The following ZNF497 variants were observed in gnomAD, a reference collection of about 807,000 sequenced individuals.
The protein encoded by ZNF497 is zinc finger protein 497, also known as zinc finger-like protein.
For synonymous variants in ZNF497, 422 were observed against 313.7 expected (o/e 1.35, Z -3.65); for missense variants, 930 against 714.0 (o/e 1.30, Z -3.45).
In ZNF497 at chr19:58,356,209, C is replaced by T. The variant is rs375145117; in HGVS notation, c.1427G>A (p.Gly476Glu). The T allele has an allele frequency of 5.6e-6, 9 of 1,601,354 alleles. No homozygotes were observed. The highest frequency in any genetic ancestry group is 3.4e-4 in the Middle Eastern group (2 of 5,938). Residue 476 changes from glycine to glutamate, a missense_variant, in exon 3 of 3, where the codon GGG becomes GAG. By Grantham distance (98) the Gly-to-Glu change is moderately conservative. Coordinates refer to ENST00000311044, the MANE Select transcript of ZNF497 (RefSeq NM_198458.3). ...GERPYACGEC[G>E]KPFSHRCNLN... is the part of the protein sequence containing the mutation. ...GTTGCAACGGTGGCTGAAAGGCTTC[C>T]CGCACTCGCCGCAAGCGTAGGGCCT...
intron 1 of ZNF497, among the ~76,000 whole-genome samples, chr19:58,360,267 A>G (rs1424099071): frequency 6.6e-6 from 1 of 152,230 alleles, no homozygotes; most frequent in Non-Finnish European, 1.5e-5. Flanking sequence ...CCACTGAATT[A>G]CACACTTTAA....
Position 58,356,884 on chromosome 19 carries a change from C to T in ZNF497, c.752G>A (p.Cys251Tyr). The change falls in exon 3 of 3, where the codon TGT becomes TAT. Residue 251 changes from cysteine to tyrosine, a missense_variant. Transcript: ENST00000311044. ...GGAGCTCTGGCTGAAGGCCTTGCCA[C>T]AGTCCCGGCAGGCGTGCGGCCGCGC... ...TGARPHACRD[C>Y]GKAFSQSSNL... The T allele has an allele frequency of 6.3e-7, 1 of 1,594,168 alleles. No individual in the cohort carries two copies. Among genetic ancestry groups the T allele is most frequent in the Non-Finnish European group, 8.5e-7 (1 of 1,174,850 alleles).
In ZNF497 at chr19:58,356,390, AG is replaced by A. The variant is rs2052019950; in HGVS notation, c.1245del (p.Cys416AlafsTer43). 6.4e-7 allele frequency: 1 copy of A among 1,567,388 alleles called. No homozygotes were observed. The highest frequency in any genetic ancestry group is 8.6e-7 in the Non-Finnish European group (1 of 1,161,096). ...RLSHTGERPF[A>X]CAECGKAFRG... ...CGGAAGGCCTTGCCGCATTCTGCGC[AG>A]GCGAAGGGTCGCTCTCCCGTGTGCG... is the stretch of plus-strand genomic sequence containing the variant. On this transcript the variant is annotated frameshift_variant, in exon 3 of 3. Coordinates refer to ENST00000311044, the MANE Select transcript of ZNF497 (RefSeq NM_198458.3).
chr19:58,358,070 T>C (rs1420038664), intron 2 of ZNF497: 1 of 1,221,480 alleles, frequency 8.2e-7, no homozygotes, highest in East Asian at 5.7e-5. Context: ...TCTCCATTCC[T>C]GAAGGCTGGA....
rs1243130238 is a variant in ZNF497 at position 58,356,527 on chromosome 19, C to T, written c.1109G>A (p.Arg370His). 2.6e-6 allele frequency: 4 copies of T among 1,549,158 alleles called. No individual in the cohort carries two copies. Among genetic ancestry groups the T allele is most frequent in the African/African-American group, 1.4e-5 (1 of 72,996 alleles). ...GCGCCGGTGGCTCAGTAGGTTGGAG[C>T]GCTGGCTGAAGGCCTTGCCGCACTG... The part of the protein sequence containing the change: ...CAQCGKAFSQ[R>H]SNLLSHRRTH... The change falls in exon 3 of 3, where the codon CGC (arginine) becomes CAC (histidine). Residue 370 changes from arginine to histidine, a missense_variant. Transcript: ENST00000311044.
Position 58,356,074 on chromosome 19 carries a change from C to T in ZNF497, c.*65G>A. ...CGAAAAAGTCTGGGCCAGCAGACAG[C>T]GCACTCACGCCCGAGACCCCGCAAT... On this transcript the variant is annotated 3_prime_UTR_variant, in exon 3 of 3. Transcript: ENST00000311044. 5 of 1,451,438 alleles carry T rather than the reference C, an allele frequency of 3.4e-6. No individual in the cohort carries two copies. Among genetic ancestry groups the T allele is most frequent in the Non-Finnish European group, 4.5e-6 (5 of 1,104,870 alleles). The allele number at this position is 1,451,438 out of a possible 1,614,324, so 89.9% of individuals were successfully genotyped here.
At position 58,355,068 on chromosome 19, in the gene ZNF497, G is replaced by A. The variant is rs3830; in HGVS notation, c.*1071C>T. On this transcript the variant is annotated 3_prime_UTR_variant, in exon 3 of 3. Transcript: ENST00000311044. ...GGTAGCAGCTTCCTGCAAGTATCCA[G>A]CTCTGAGATTCTGCAACATCCACTT... 0.48 allele frequency: 73,295 copies of A among 152,228 alleles called. 18,522 individuals carry two copies. The highest frequency in any genetic ancestry group is 0.73 in the East Asian group (3,767 of 5,186). 9.4% of individuals were successfully genotyped at this position (152,228 alleles called of 1,614,324 possible).
At chr19:58,359,299 A>AGGCTGGAGCTACC in intron 1 of ZNF497, 1 of 1,277,540 alleles carries the variant, frequency 7.8e-7, no homozygotes, top group Non-Finnish European at 1.0e-6. Flanking sequence ...GTGCAGCTGC[A>AGGCTGGAGCTACC]TGGCCCAGGG....
intron 1 of ZNF497, among the ~76,000 whole-genome samples, chr19:58,361,003 C>G (rs1214605977): frequency 1.3e-5 from 2 of 151,776 alleles, no homozygotes; most frequent in African/African-American, 4.8e-5. Context: ...AGGATGGTCT[C>G]GATCTCCTGA....
chr19:58,358,620 G>A, intron 1 of ZNF497, 35 bp from the exon 2 acceptor site: 1 of 1,102,934 alleles, frequency 9.1e-7, no homozygotes, highest in Admixed American at 3.3e-5. Flanking sequence ...AGGGTGAGGT[G>A]TTCAGCCTAG....
Position 58,357,584 on chromosome 19 carries a change from C to T in ZNF497, c.52G>A (p.Val18Ile), listed in dbSNP as rs1468036228. 1.3e-6 allele frequency: 2 copies of T among 1,579,816 alleles called. No homozygotes were observed. Among genetic ancestry groups the T allele is most frequent in the South Asian group, 2.3e-5 (2 of 86,778 alleles). The change falls in exon 3 of 3, where the codon GTC becomes ATC. Residue 18 changes from valine to isoleucine, a missense_variant. Physicochemically the swap from Val to Ile is conservative, Grantham distance 29. Coordinates refer to ENST00000311044, the MANE Select transcript of ZNF497 (RefSeq NM_198458.3). Reference protein sequence around the residue: ...TLQVAPEEGQVLCNVKTATRG... With the variant: ...TLQVAPEEGQILCNVKTATRG... ...GTGGCAGTCTTCACATTGCAGAGGA[C>T]CTGGCCTTCCTCTGGGGCCACCTGC...
intron 1 of ZNF497, among the ~76,000 whole-genome samples, chr19:58,359,984 A>C (rs1328568447): frequency 6.6e-6 from 1 of 152,072 alleles, no homozygotes. Context: ...AAAAAAAAAA[A>C]AGAGAATAAA....
At position 58,356,899 on chromosome 19, in the gene ZNF497, T is replaced by G. The variant is rs751221799; in HGVS notation, c.737A>C (p.His246Pro). The G allele has an allele frequency of 1.3e-6, 2 of 1,588,954 alleles. No homozygotes were observed. Among genetic ancestry groups the G allele is most frequent in the Admixed American group, 3.5e-5 (2 of 57,412 alleles). Residue 246 changes from histidine to proline, a missense_variant, in exon 3 of 3, where the codon CAC becomes CCC. His to Pro is a moderately conservative substitution (Grantham distance 77, BLOSUM62 -2). Transcript: ENST00000311044. ...GGCCTTGCCACAGTCCCGGCAGGCGTGCGGCCGCGCGCCCGTGTGCACGCG... is the reference window on the plus strand; with the variant it reads ...GGCCTTGCCACAGTCCCGGCAGGCGGGCGGCCGCGCGCCCGTGTGCACGCG... ...HRRVHTGARP[H>P]ACRDCGKAFS... is the part of the protein sequence containing the mutation.
At position 58,358,856 on chromosome 19, in the gene ZNF497, C is replaced by G. The variant is rs977306825; in HGVS notation, c.-111-271G>C. The stretch of plus-strand genomic sequence containing the variant: ...GCCCCAGTGCTGGCTCAGCTGGGGT[C>G]GTGAGCAGGGGAAGCACACCCAGCC... On this transcript the variant is annotated intron_variant, in intron 1 of 2. Transcript: ENST00000311044. 30 of 456,978 alleles carry G rather than the reference C, an allele frequency of 6.6e-5. No individual in the cohort carries two copies. The East Asian group carries it at 1.9e-3, about 29-fold the overall frequency. 28.3% of individuals were successfully genotyped at this position (456,978 alleles called of 1,614,324 possible).
chr19:58,356,644 T>A lies in ZNF497; in HGVS notation c.992A>T (p.Glu331Val). 2 of 1,532,542 alleles carry A rather than the reference T, an allele frequency of 1.3e-6. No homozygotes were observed. The highest frequency in any genetic ancestry group is 2.4e-5 in the South Asian group (2 of 83,480). 94.9% of individuals were successfully genotyped at this position (1,532,542 alleles called of 1,614,324 possible). Residue 331 changes from glutamate to valine, a missense_variant, in exon 3 of 3, where the codon GAG (glutamate) becomes GTG (valine). Transcript: ENST00000311044. ...QRTHTGERPF[E>V]CAECGQAFVM... ...GAAAGCCTGGCCGCACTCGGCGCAC[T>A]CGAAGGGCCGCTCACCAGTGTGCGT... is the stretch of plus-strand genomic sequence containing the variant.
Position 58,356,625 on chromosome 19 carries a change from C to T in ZNF497, c.1011G>A (p.Gln337=), listed in dbSNP as rs532037811. Residue 337 remains glutamine (Q), a synonymous_variant, in exon 3 of 3, where the codon CAG becomes CAA. Coordinates refer to ENST00000311044, the MANE Select transcript of ZNF497 (RefSeq NM_198458.3). Reference sequence around the variant, plus strand: ...CCAGGTAGGAGCCCATGACGAAAGCCTGGCCGCACTCGGCGCACTCGAAGG... The same window carrying T: ...CCAGGTAGGAGCCCATGACGAAAGCTTGGCCGCACTCGGCGCACTCGAAGG... ...ERPFECAECG[Q]AFVMGSYLAE... 2.6e-6 allele frequency: 4 copies of T among 1,546,596 alleles called. No homozygotes were observed. In the African/African-American group the frequency reaches 4.1e-5, roughly 16 times the overall value.
Position 58,357,276 on chromosome 19 carries a change from G to GT in ZNF497, c.359dup (p.Tyr120Ter), listed in dbSNP as rs768058212. 1.9e-6 allele frequency: 3 copies of GT among 1,612,382 alleles called. No homozygotes were observed. ...TGTGCACGCGCCGATGCTGCAGCAA[G>GT]TAAGAGCCCTGGCTGAACGCCTTGC... Reference protein sequence around the residue: ...ECGKAFSQGSYLLQHRRVHTG... With the variant: ...ECGKAFSQGS Residue 120 changes from tyrosine (Y) to a stop codon, truncating the protein, a stop_gained and frameshift_variant, in exon 3 of 3, where the codon TAC becomes TAAC. Transcript: ENST00000311044.
In ZNF497 at chr19:58,362,328, A is replaced by G. The variant is rs145521824; in HGVS notation, c.-112+349T>C. 4.8e-3 allele frequency among the ~76,000 whole-genome samples: 732 copies of G among 152,374 alleles called. 7 individuals are homozygous for G. The highest frequency in any genetic ancestry group is 0.016 in the African/African-American group (662 of 41,590). Reference sequence around the variant, plus strand: ...GCTCCGAAACTACCCGGGGCTGGGGACTGATGAACGAATAAATGAATGTGG... The same window carrying G: ...GCTCCGAAACTACCCGGGGCTGGGGGCTGATGAACGAATAAATGAATGTGG... On this transcript the variant is annotated intron_variant, in intron 1 of 2. Transcript: ENST00000311044.
intron 2 of ZNF497, chr19:58,358,050 G>T (rs1048361393): frequency 4.9e-6 from 6 of 1,220,858 alleles, no homozygotes; most frequent in Non-Finnish European, 6.3e-6. Context: ...TGAGGAACAC[G>T]ATGGACCCGT....
Sources: allele counts gnomAD v4.1 joint callset (sites outside exome capture counted in the v4.1 genomes callset), GRCh38; gene constraint gnomAD v4.1.1; transcripts MANE v1.5; gene names NCBI Gene and HGNC (gene_info 2026-07-23, HGNC 2026-07-21).